The following SEC24B variants were observed in gnomAD, a reference collection of about 807,000 sequenced individuals.
The protein encoded by SEC24B is protein transport protein Sec24B.
In SEC24B, 45 loss-of-function variants were observed where a neutral mutation model predicts 142.8. That is an observed-to-expected ratio of 0.32 (90% CI 0.25 to 0.40). The LOEUF (loss-of-function observed/expected upper bound fraction) is 0.40, where lower values mean the gene tolerates loss of function less well. SEC24B is among the 10% of genes least tolerant of loss of function. The pLI is 1.00. For synonymous variants in SEC24B, 574 were observed against 568.2 expected (o/e 1.01, Z -0.15); for missense variants, 1,409 against 1,526.8 (o/e 0.92, Z 1.29).
At chr4:109,474,571 C>T (rs1732898294) in intron 3 of SEC24B, among the ~76,000 whole-genome samples, 1 of 151,912 alleles carries the variant, frequency 6.6e-6, no homozygotes, top group Admixed American at 6.6e-5. Context: ...ATTACAGGCG[C>T]ACGCCACCTC....
In SEC24B at chr4:109,524,821, G is replaced by A; in HGVS notation, c.2512G>A (p.Val838Ile). 6.2e-7 allele frequency: 1 copy of A among 1,611,042 alleles called. No individual in the cohort carries two copies. Among genetic ancestry groups the A allele is most frequent in the Non-Finnish European group, 8.5e-7 (1 of 1,178,490 alleles). ...DPNQRSSTKV[V>I]QHLGPATDFY... ...ACTATATGATCTGTTGACTTAGGTG[G>A]TACAACATCTTGGCCCTGCAACTGA... Residue 838 changes from valine (V) to isoleucine (I), a missense_variant, in exon 15 of 24, where the codon GTA (valine) becomes ATA (isoleucine). Coordinates refer to ENST00000265175, the MANE Select transcript of SEC24B (RefSeq NM_006323.5).
intron 1 of SEC24B, among the ~76,000 whole-genome samples, chr4:109,453,251 C>T (rs530598184): frequency 1.3e-4 from 20 of 152,260 alleles, no homozygotes; most frequent in South Asian, 1.0e-3. Context: ...TTCCATGTCC[C>T]GCTGTGCATG....
chr4:109,524,798 T>A lies in SEC24B; in HGVS notation c.2509-20T>A. On this transcript the variant is annotated intron_variant, in intron 14 of 23. Coordinates refer to ENST00000265175, the MANE Select transcript of SEC24B (RefSeq NM_006323.5). ...GAGCATAAAGATTGCTAGCTCTTAC[T>A]ATATGATCTGTTGACTTAGGTGGTA... 1 of 1,601,166 alleles carries A rather than the reference T, an allele frequency of 6.2e-7. No homozygotes were observed. Among genetic ancestry groups the A allele is most frequent in the Non-Finnish European group, 8.5e-7 (1 of 1,174,562 alleles).
At chr4:109,522,018 A>C (rs1306575244) in intron 14 of SEC24B, among the ~76,000 whole-genome samples, 1 of 150,890 alleles carries the variant, frequency 6.6e-6, no homozygotes, top group East Asian at 1.9e-4. Flanking sequence ...GGCATGAGCT[A>C]CTGCGCCCGG....
chr4:109,448,668 C>T (rs947813044), intron 1 of SEC24B, among the ~76,000 whole-genome samples: 1 of 152,072 alleles, frequency 6.6e-6, no homozygotes, highest in Non-Finnish European at 1.5e-5. Context: ...TTCTCGAACT[C>T]CTGACCTGCC....
At chr4:109,482,979 T>TATATATATATATATATAC (rs781527364) in intron 4 of SEC24B, among the ~76,000 whole-genome samples, 1 of 26,406 alleles carries the variant, frequency 3.8e-5, no homozygotes, top group South Asian at 1.7e-3. Flanking sequence ...TATATATATA[T>TATATATATATATATATAC]ACACACACAC....
rs149329985 is a variant in SEC24B, at chr4:109,474,667, C to T, written c.1060+1481C>T. 5.3e-3 allele frequency among the ~76,000 whole-genome samples: 806 copies of T among 152,228 alleles called. 35 individuals are homozygous for T. In the South Asian group the frequency reaches 0.079, roughly 15 times the overall value. ...CTCGAACTTTTGACCTCAGGTGATC[C>T]GCCCACCTTGGCCTCCCAAAGTGCT... On this transcript the variant is annotated intron_variant, in intron 3 of 23. Transcript: ENST00000265175.
At chr4:109,495,556 A>G (rs927046461) in intron 6 of SEC24B, among the ~76,000 whole-genome samples, 10 of 152,330 alleles carry the variant, frequency 6.6e-5, no homozygotes, top group African/African-American at 2.4e-4. Context: ...ACCAAATTTT[A>G]TAGTCCATCT....
chr4:109,488,755 A>T (rs1286950821), intron 4 of SEC24B: 1 of 167,704 alleles, frequency 6.0e-6, no homozygotes, highest in East Asian at 1.9e-4. Flanking sequence ...TTTGGCAAAG[A>T]TGTGGAAAAA....
rs766161928 is a variant in SEC24B at position 109,491,378 on chromosome 4, A to G, written c.1217A>G (p.Tyr406Cys). The G allele has an allele frequency of 1.2e-6, 2 of 1,613,600 alleles. No individual in the cohort carries two copies. Among genetic ancestry groups the G allele is most frequent in the Non-Finnish European group, 1.7e-6 (2 of 1,179,688 alleles). ...AGTGCTTCTCCAATGCCCAACAGTT[A>G]TGATGCCCTGGAAGGAGGCAGTTAC... ...TSSASPMPNS[Y>C]DALEGGSYPD... is the part of the protein sequence containing the mutation. Residue 406 changes from tyrosine (Y) to cysteine (C), a missense_variant, in exon 5 of 24, where the codon TAT becomes TGT. Physicochemically the swap from Tyr to Cys is radical, Grantham distance 194. Transcript: ENST00000265175.
intron 22 of SEC24B, among the ~76,000 whole-genome samples, chr4:109,534,748 G>A (rs1466854993): frequency 1.3e-5 from 2 of 152,108 alleles, no homozygotes; most frequent in Non-Finnish European, 2.9e-5. Flanking sequence ...TAACTCAAAA[G>A]ACTGAAAACG....
chr4:109,466,843 T>A (rs1055346194), intron 2 of SEC24B, among the ~76,000 whole-genome samples: 1 of 152,214 alleles, frequency 6.6e-6, no homozygotes, highest in Admixed American at 6.5e-5. Context: ...GATGCAAAAG[T>A]ATAAACCTGA....
chr4:109,536,708 T>C (rs1489598394), intron 22 of SEC24B, among the ~76,000 whole-genome samples: 1 of 152,090 alleles, frequency 6.6e-6, no homozygotes, highest in Non-Finnish European at 1.5e-5. Flanking sequence ...TGTTTGTATT[T>C]TTAGTAGAGA....
At chr4:109,492,905 A>T (rs1338766668) in intron 5 of SEC24B, among the ~76,000 whole-genome samples, 1 of 151,720 alleles carries the variant, frequency 6.6e-6, no homozygotes, top group African/African-American at 2.4e-5. Flanking sequence ...CTTTTCATAA[A>T]GATGGGGTCT....
chr4:109,527,737 A>C (rs1167083388), intron 18 of SEC24B, among the ~76,000 whole-genome samples: 2 of 151,916 alleles, frequency 1.3e-5, no homozygotes, highest in Admixed American at 1.3e-4. Flanking sequence ...GCATCACTCC[A>C]ATCACTCCAC....
chr4:109,485,704 A>G (rs573193139), intron 4 of SEC24B, among the ~76,000 whole-genome samples: 2 of 152,338 alleles, frequency 1.3e-5, no homozygotes, highest in South Asian at 2.1e-4. Flanking sequence ...CCCAGTTACA[A>G]TAATTTATTT....
At chr4:109,523,315 C>G (rs928727447) in intron 14 of SEC24B, among the ~76,000 whole-genome samples, 1 of 151,992 alleles carries the variant, frequency 6.6e-6, no homozygotes, top group African/African-American at 2.4e-5. Context: ...CCTAAAAATA[C>G]AAAAATTAGC....
Position 109,530,311 on chromosome 4 carries a change from A to T in SEC24B, c.3099A>T (p.Ser1033=). 6.2e-7 allele frequency: 1 copy of T among 1,613,300 alleles called. No individual in the cohort carries two copies. Among genetic ancestry groups the T allele is most frequent in the Admixed American group, 1.7e-5 (1 of 59,894 alleles). ...ANMAVDRSVS[S]SLSDARDALV... ...TAGCTGTGGATCGGTCCGTTTCATC[A>T]AGTCTGTCAGATGCAAGAGATGCCT... The change falls in exon 19 of 24, where the codon TCA becomes TCT. Residue 1033 remains serine (S), a synonymous_variant. Transcript: ENST00000265175.
chr4:109,494,177 A>T (rs1051677720), intron 5 of SEC24B, among the ~76,000 whole-genome samples: 2 of 152,038 alleles, frequency 1.3e-5, no homozygotes, highest in Non-Finnish European at 2.9e-5. Flanking sequence ...TAGAATTACC[A>T]ACTCAAGGGG....
Sources: gnomAD v4.1 joint callset for allele counts (sites outside exome capture counted in the v4.1 genomes callset) on GRCh38, gnomAD v4.1.1 for gene constraint, MANE v1.5 for transcripts, NCBI Gene and HGNC (gene_info 2026-07-23, HGNC 2026-07-21) for gene names.